IL1RAPL1: variants seen among roughly 807,000 people sequenced by gnomAD.
IL1RAPL1 encodes interleukin-1 receptor accessory protein-like 1.
Under a neutral mutation model 48.4 loss-of-function variants are expected in IL1RAPL1, and 3 were observed. The observed-to-expected ratio is 0.06, with a 90% CI of 0.03 to 0.16. IL1RAPL1 has a LOEUF of 0.16. Among genes scored for constraint, IL1RAPL1 ranks in the 10% least tolerant of loss-of-function variants. The pLI, the probability that IL1RAPL1 is intolerant of heterozygous loss-of-function variation, is 1.00. For missense variants in IL1RAPL1, 349 were observed against 530.6 expected, an observed-to-expected ratio of 0.66 and a Z score of 3.36; for synonymous variants, 185 against 187.7, an observed-to-expected ratio of 0.99 and a Z score of 0.12.
At chrX:29,799,337 T>C (rs1238887038) in intron 6 of IL1RAPL1, among the ~76,000 whole-genome samples, 1 of 112,333 alleles carries the variant, frequency 8.9e-6, no homozygotes, top group Non-Finnish European at 1.9e-5. Context: ...GCTTCTTCTA[T>C]ATAATTTACT....
At chrX:29,523,379 A>G (rs1201248959) in intron 5 of IL1RAPL1, among the ~76,000 whole-genome samples, 1 of 111,702 alleles carries the variant, frequency 9.0e-6, no homozygotes, top group Non-Finnish European at 1.9e-5. Context: ...ACTACATTTT[A>G]CCTGAAAAAT....
intron 5 of IL1RAPL1, among the ~76,000 whole-genome samples, chrX:29,655,651 C>CAAAAAAAAAAAAAAAAAAAA (rs746998144): frequency 3.7e-5 from 1 of 26,753 alleles, no homozygotes; most frequent in Non-Finnish European, 6.4e-5. Context: ...TGACAGTCTC[C>CAAAAAAAAAAAAAAAAAAAA]AAAAAAAAAA....
chrX:29,607,228 T>A (rs1325600440), intron 5 of IL1RAPL1, among the ~76,000 whole-genome samples: 1 of 111,524 alleles, frequency 9.0e-6, no homozygotes, highest in Non-Finnish European at 1.9e-5. Flanking sequence ...GAAGTCAACT[T>A]ACCAAATAAA....
intron 6 of IL1RAPL1, among the ~76,000 whole-genome samples, chrX:29,908,375 AATATATATAT>A (rs71761547): frequency 9.8e-6 from 1 of 102,247 alleles, no homozygotes; most frequent in Non-Finnish European, 2.0e-5. Flanking sequence ...CCATTTCAAA[AATATATATAT>A]ATATATATAT....
intron 6 of IL1RAPL1, among the ~76,000 whole-genome samples, chrX:29,700,395 T>G (rs192210979): frequency 3.5e-4 from 39 of 111,845 alleles, no homozygotes; most frequent in African/African-American, 1.2e-3. Context: ...TTTCTCACAT[T>G]AAAACCCACT....
chrX:29,747,984 A>G (rs1385770906), intron 6 of IL1RAPL1, among the ~76,000 whole-genome samples: 2 of 112,080 alleles, frequency 1.8e-5, no homozygotes, highest in Non-Finnish European at 3.8e-5. Flanking sequence ...TTTACAATTT[A>G]ACATATTAAG....
intron 1 of IL1RAPL1, among the ~76,000 whole-genome samples, chrX:28,652,501 G>A (rs988084697): frequency 1.8e-5 from 2 of 111,432 alleles, no homozygotes; most frequent in South Asian, 3.8e-4. Context: ...GTATAATGCC[G>A]TTCTTTTCAG....
At chrX:29,253,625 G>C (rs1445179355) in intron 2 of IL1RAPL1, among the ~76,000 whole-genome samples, 1 of 111,140 alleles carries the variant, frequency 9.0e-6, no homozygotes, top group East Asian at 2.8e-4. Flanking sequence ...ACGAAACTGA[G>C]AGCACCTAGA....
At chrX:29,481,488 G>A (rs1428412046) in intron 5 of IL1RAPL1, among the ~76,000 whole-genome samples, 3 of 112,559 alleles carry the variant, frequency 2.7e-5, no homozygotes, top group Non-Finnish European at 3.8e-5. Context: ...GAGAGCCAAC[G>A]GCCATTGCCT....
At chrX:29,688,816 C>CTT (rs58920253) in intron 6 of IL1RAPL1, among the ~76,000 whole-genome samples, 33 of 95,117 alleles carry the variant, frequency 3.5e-4, no homozygotes, top group African/African-American at 1.1e-3. Flanking sequence ...GCTTTGTGGT[C>CTT]TTTTTTTTTT....
At chrX:28,740,436 T>C (rs1321658848) in intron 1 of IL1RAPL1, among the ~76,000 whole-genome samples, 5 of 112,174 alleles carry the variant, frequency 4.5e-5, no homozygotes, top group African/African-American at 1.6e-4. Context: ...ATCTCTGATA[T>C]GAGCCATATT....
chrX:28,792,816 AATATATATAT>A (rs1555924328), intron 2 of IL1RAPL1, among the ~76,000 whole-genome samples: 5 of 10,109 alleles, frequency 4.9e-4, no homozygotes, highest in Non-Finnish European at 8.8e-4. Flanking sequence ...AAAAAAAAAA[AATATATATAT>A]ATATATATAT....
rs528775215 is a variant in IL1RAPL1, at chrX:29,919,455, T to C, written c.912-494T>C. On this transcript the variant is annotated intron_variant, in intron 7 of 10. Coordinates refer to ENST00000378993, the MANE Select transcript of IL1RAPL1 (RefSeq NM_014271.4). ...AACTTTTAGTCTACAGGTTTATAGT[T>C]TCACGTTCCTTCAAAAACAGGCAAT... is the stretch of plus-strand genomic sequence containing the variant. Among the ~76,000 whole-genome samples, 23 of 112,363 alleles carry C rather than the reference T, an allele frequency of 2.0e-4. No homozygotes were observed. The South Asian group carries it at 5.5e-3, about 27-fold the overall frequency.
intron 5 of IL1RAPL1, among the ~76,000 whole-genome samples, chrX:29,575,449 C>G (rs1253685305): frequency 1.8e-5 from 2 of 111,468 alleles, no homozygotes; most frequent in African/African-American, 6.5e-5. Context: ...TGTCCAAGAG[C>G]CCAAAGGCCA....
chrX:28,810,942 C>T (rs1314476897), intron 2 of IL1RAPL1, among the ~76,000 whole-genome samples: 1 of 109,522 alleles, frequency 9.1e-6, no homozygotes, highest in Non-Finnish European at 1.9e-5. Context: ...TCCAGTTTTT[C>T]TTTTTTTTCT....
chrX:29,671,307 T>C (rs1375590625), intron 6 of IL1RAPL1, among the ~76,000 whole-genome samples: 1 of 112,083 alleles, frequency 8.9e-6, no homozygotes, highest in Non-Finnish European at 1.9e-5. Context: ...AATTCCTCCA[T>C]CTTTTCAAAC....
At chrX:29,316,089 ACTGTGTGGTGCCTCACTTT>A (rs937167878) in intron 3 of IL1RAPL1, among the ~76,000 whole-genome samples, 5 of 112,247 alleles carry the variant, frequency 4.5e-5, no homozygotes, top group African/African-American at 1.6e-4. Context: ...CCCAGGCACA[ACTGTGTGGTGCCTCACTTT>A]CTGAAACATT....
chrX:28,839,033 C>T (rs1404697594), intron 2 of IL1RAPL1, among the ~76,000 whole-genome samples: 1 of 111,393 alleles, frequency 9.0e-6, no homozygotes, highest in African/African-American at 3.2e-5. Flanking sequence ...TGAAATAAAC[C>T]ATGTGAACAC....
chrX:29,631,924 A>G (rs1475562630), intron 5 of IL1RAPL1, among the ~76,000 whole-genome samples: 3 of 112,196 alleles, frequency 2.7e-5, no homozygotes, highest in African/African-American at 9.7e-5. Flanking sequence ...TTTAGTATTA[A>G]GGGTCAGATA....
Sources: gnomAD v4.1 joint callset for allele counts (sites outside exome capture counted in the v4.1 genomes callset) on GRCh38, gnomAD v4.1.1 for gene constraint, MANE v1.5 for transcripts, NCBI Gene and HGNC (gene_info 2026-07-23, HGNC 2026-07-21) for gene names.